Variants in SYNE1 observed in about 807,000 individuals in gnomAD.
SYNE1 encodes nesprin-1.
A neutral mutation model predicts 1,111.0 loss-of-function variants in SYNE1; 616 were observed. The ratio of observed to expected loss-of-function variants is 0.55; its 90% CI spans 0.52 to 0.59. SYNE1 has a LOEUF of 0.59. Ranked by LOEUF, SYNE1 falls within the 20% of genes least tolerant of loss-of-function variation. The pLI is 0.00. For missense variants in SYNE1, 10,006 were observed against 10,417.0 expected (o/e 0.96, Z 1.72); for synonymous variants, 3,855 against 3,825.8 (o/e 1.01, Z -0.28).
At chr6:152,237,951 C>T (rs1479120664) in intron 108 of SYNE1, among the ~76,000 whole-genome samples, 3 of 152,092 alleles carry the variant, frequency 2.0e-5, no homozygotes, top group African/African-American at 7.2e-5. Flanking sequence ...GTAGTAGAAA[C>T]CCATGCTTTT....
intron 49 of SYNE1, among the ~76,000 whole-genome samples, chr6:152,398,225 CCTATCT>C (rs1053487843): frequency 2.0e-5 from 3 of 152,060 alleles, no homozygotes; most frequent in African/African-American, 4.8e-5. Flanking sequence ...TTGAATATCT[CCTATCT>C]CTAACTATAG....
chr6:152,591,760 A>T (rs964409104), intron 3 of SYNE1, among the ~76,000 whole-genome samples: 1 of 152,186 alleles, frequency 6.6e-6, no homozygotes, highest in African/African-American at 2.4e-5. Flanking sequence ...CAAACTGTGC[A>T]TCTGAGAAAT....
chr6:152,486,462 T>C (rs1282187589), intron 12 of SYNE1, among the ~76,000 whole-genome samples: 1 of 152,206 alleles, frequency 6.6e-6, no homozygotes, highest in East Asian at 1.9e-4. Flanking sequence ...GGATTTCTGT[T>C]TTCTGTTTTC....
intron 131 of SYNE1, among the ~76,000 whole-genome samples, chr6:152,156,767 G>T (rs1025838040): frequency 3.3e-5 from 5 of 152,048 alleles, no homozygotes; most frequent in African/African-American, 7.2e-5. Flanking sequence ...TAGATACCAA[G>T]GGCCTGTATA....
In SYNE1 at chr6:152,330,893, GC is replaced by G; in HGVS notation, c.13791del (p.Glu4597AspfsTer37). On this transcript the variant is annotated frameshift_variant, in exon 78 of 146. Coordinates refer to ENST00000367255, the MANE Select transcript of SYNE1 (RefSeq NM_182961.4). LOFTEE classifies it high-confidence loss of function. ...PEINLMNESSELHTQLAKYQN... is the reference protein window; with the variant it reads ...PEINLMNESSXLHTQLAKYQN... ...TGGTATTTAGCCAGTTGTGTATGAA[GC>G]TCAGAACTCTCATTCATTAGGTTGA... 1 of 1,614,062 alleles carries G rather than the reference GC, an allele frequency of 6.2e-7. No homozygotes were observed. Among genetic ancestry groups the G allele is most frequent in the Non-Finnish European group, 8.5e-7 (1 of 1,179,948 alleles).
Position 152,628,543 on chromosome 6 carries a change from G to C in SYNE1, c.-212C>G. On this transcript the variant is annotated 5_prime_UTR_variant, in exon 3 of 146. Coordinates refer to ENST00000367255, the MANE Select transcript of SYNE1 (RefSeq NM_182961.4). ...CCGTTTTAAGACTGTCCTCTTACAT[G>C]AACTCAAGAACCTGAAAAACAAAAA... The C allele has an allele frequency of 1.8e-6, 1 of 569,332 alleles. No homozygotes were observed. The highest frequency in any genetic ancestry group is 3.0e-5 in the Admixed American group (1 of 32,926). The allele number at this position is 569,332 out of a possible 1,614,324, so 35.3% of individuals were successfully genotyped here.
At chr6:152,215,221 C>T (rs751833161) in intron 121 of SYNE1, among the ~76,000 whole-genome samples, 161 bp from the exon 122 acceptor site, 4 of 152,296 alleles carry the variant, frequency 2.6e-5, no homozygotes, top group East Asian at 3.9e-4. Context: ...GTACGAATAG[C>T]GAAAAGCCAA....
At chr6:152,367,062 G>T in intron 62 of SYNE1, 156 bp downstream of exon 62, 1 of 889,226 alleles carries the variant, frequency 1.1e-6, no homozygotes, top group Non-Finnish European at 1.9e-6. Context: ...GAATTCTCTG[G>T]CATGTGCACC....
intron 4 of SYNE1, among the ~76,000 whole-genome samples, chr6:152,534,267 A>G (rs868791715): frequency 1.3e-5 from 2 of 152,126 alleles, no homozygotes; most frequent in Admixed American, 6.5e-5. Context: ...TAATATTAGC[A>G]AAATGTTTAT....
Position 152,133,371 on chromosome 6 carries a change from G to T in SYNE1, c.25906C>A (p.His8636Asn). 1 of 1,614,104 alleles carries T rather than the reference G, an allele frequency of 6.2e-7. No individual in the cohort carries two copies. The highest frequency in any genetic ancestry group is 8.5e-7 in the Non-Finnish European group (1 of 1,180,026). The change falls in exon 143 of 146, where the codon CAT (histidine) becomes AAT (asparagine). Residue 8636 changes from histidine (H) to asparagine (N), a missense_variant. By Grantham distance (68) the His-to-Asn change is moderately conservative (BLOSUM62 1). This residue lies in a region of SYNE1 where 761 missense variants were observed against 795.5 expected (regional missense o/e 0.96). Coordinates refer to ENST00000367255, the MANE Select transcript of SYNE1 (RefSeq NM_182961.4). ...TDCLEAKEKV[H>N]VIGNRLKLLL... ...AGTTTGAGCCGATTTCCAATAACAT[G>T]GACTTTTTCTTTGGCTTCTAAACAG... is the stretch of plus-strand genomic sequence containing the variant.
In SYNE1 at chr6:152,456,017, TAC is replaced by T; in HGVS notation, c.2594_2595del (p.Cys865Ter). The T allele has an allele frequency of 6.2e-7, 1 of 1,613,898 alleles. No homozygotes were observed. The highest frequency in any genetic ancestry group is 8.5e-7 in the Non-Finnish European group (1 of 1,180,000). ...HQELLACQEN[C>X]KKTLTLIEKG... ...TTCTCAATAAGTGTCAAGGTTTTCT[TAC>T]AGTTTTCTTGACAAGCTAACAGTTC... On this transcript the variant is annotated frameshift_variant, in exon 23 of 146. Transcript: ENST00000367255. LOFTEE classifies it high-confidence loss of function.
chr6:152,186,579 A>G (rs1312414449), intron 128 of SYNE1, among the ~76,000 whole-genome samples: 1 of 145,548 alleles, frequency 6.9e-6, no homozygotes, highest in African/African-American at 2.5e-5. Context: ...AAAAAAAAAA[A>G]AAAAAAAAAA....
rs2096247561 is a variant in SYNE1 at position 152,331,522 on chromosome 6, A to G, written c.13163T>C (p.Leu4388Pro). Residue 4388 changes from leucine to proline, a missense_variant, in exon 78 of 146, where the codon CTG (leucine) becomes CCG (proline). Coordinates refer to ENST00000367255, the MANE Select transcript of SYNE1 (RefSeq NM_182961.4). ...DMAQNLLMDH[L>P]AICSELEAKQ... ...GGCCTCCAGTTCACTGCAGATGGCC[A>G]GGTGATCCATGAGAAGGTTCTGAGC... The G allele has an allele frequency of 6.2e-7, 1 of 1,614,144 alleles. No homozygotes were observed. The highest frequency in any genetic ancestry group is 2.2e-5 in the East Asian group (1 of 44,878).
chr6:152,225,307 A>G (rs902814167), intron 116 of SYNE1, among the ~76,000 whole-genome samples: 2 of 151,748 alleles, frequency 1.3e-5, no homozygotes, highest in Non-Finnish European at 2.9e-5. Flanking sequence ...ACACACGCAC[A>G]CACACACACA....
chr6:152,199,027 G>T (rs2813535), intron 127 of SYNE1, among the ~76,000 whole-genome samples: 31,640 of 150,152 alleles, frequency 0.21, 3,404 homozygotes, highest in Middle Eastern at 0.3. Context: ...CAAAACATAG[G>T]ATCTGTGAAA....
chr6:152,486,440 G>A lies in SYNE1; in HGVS notation c.1048-1468C>T, dbSNP rs557288046. Among the ~76,000 whole-genome samples the A allele has an allele frequency of 9.7e-4, 148 of 152,204 alleles. 1 individual carries two copies. Among genetic ancestry groups the A allele is most frequent in the African/African-American group, 2.7e-3 (112 of 41,516 alleles). On this transcript the variant is annotated intron_variant, in intron 12 of 145. Coordinates refer to ENST00000367255, the MANE Select transcript of SYNE1 (RefSeq NM_182961.4). ...TTTTATGAGACTAGTGATCACCTTC[G>A]GGCTGAAAGGAGGATTTCTGTTTTC...
intron 130 of SYNE1, chr6:152,167,738 CA>C (rs764402694): frequency 1.9e-6 from 1 of 539,538 alleles, no homozygotes; most frequent in Non-Finnish European, 3.8e-6. Context: ...ATTTCAGTTT[CA>C]TCAGAAGCCC....
intron 22 of SYNE1, among the ~76,000 whole-genome samples, chr6:152,458,388 T>C (rs2098710934): frequency 6.6e-6 from 1 of 152,220 alleles, no homozygotes; most frequent in Admixed American, 6.5e-5. Context: ...CAGATGTTTA[T>C]AAATGCTTGC....
chr6:152,493,474 G>C (rs951519495), intron 11 of SYNE1, among the ~76,000 whole-genome samples: 1 of 152,100 alleles, frequency 6.6e-6, no homozygotes, highest in Non-Finnish European at 1.5e-5. Context: ...CTGCTGCAAG[G>C]CTTCAGGGAC....
Sources: allele counts gnomAD v4.1 joint callset (sites outside exome capture counted in the v4.1 genomes callset), GRCh38; gene constraint gnomAD v4.1.1; regional missense constraint gnomAD v4.1.1; transcripts MANE v1.5; gene names NCBI Gene and HGNC (gene_info 2026-07-23, HGNC 2026-07-21).